CSKMT: variants seen among roughly 807,000 people sequenced by gnomAD.
The protein encoded by CSKMT is citrate synthase-lysine N-methyltransferase CSKMT, mitochondrial.
CSKMT carries 6 observed loss-of-function variants against 4.6 expected under a neutral mutation model. The observed-to-expected ratio is 1.31, with a 90% CI of 0.72 to 2.59. CSKMT has a LOEUF of 2.59. Among genes scored for constraint, CSKMT ranks in the 30% most tolerant of loss-of-function variants. CSKMT has a pLI of 0.00. For synonymous variants in CSKMT, 142 were observed against 128.9 expected (o/e 1.10, Z -0.69); for missense variants, 328 against 298.0 (o/e 1.10, Z -0.74).
intron 1 of CSKMT, 82 bp downstream of exon 1, chr11:62,665,414 C>A: frequency 1.4e-6 from 2 of 1,475,272 alleles, no homozygotes; most frequent in Non-Finnish European, 9.2e-7. Context: ...TGGGCGGGGT[C>A]TCAGGACCCT....
chr11:62,666,805 A>C lies in CSKMT; in HGVS notation c.477A>C (p.Leu159=). The change falls in exon 3 of 3, where the codon CTA becomes CTC. Residue 159 remains leucine (L), a synonymous_variant. Transcript: ENST00000532971. ...TGGCTTCTTCAGGCTCTTTCCAACT[A>C]CTGCTGGACAAAGGCACATGGGATG... ...GAVASSGSFQ[L]LLDKGTWDAV... The C allele has an allele frequency of 6.2e-7, 1 of 1,614,136 alleles. No individual in the cohort carries two copies. Among genetic ancestry groups the C allele is most frequent in the African/African-American group, 1.3e-5 (1 of 75,028 alleles).
At position 62,667,608 on chromosome 11, in the gene CSKMT, A is replaced by G; in HGVS notation, c.*557A>G. 6.2e-7 allele frequency: 1 copy of G among 1,614,142 alleles called. No homozygotes were observed. The highest frequency in any genetic ancestry group is 8.5e-7 in the Non-Finnish European group (1 of 1,180,030). On this transcript the variant is annotated 3_prime_UTR_variant, in exon 3 of 3. Coordinates refer to ENST00000532971, the MANE Select transcript of CSKMT (RefSeq NM_001043229.2). ...GGGAGCCTGTTGAGTCCCAGAAGGGACAGTGGTTGGTGGCTTCCAGACATG... is the reference window on the plus strand; with the variant it reads ...GGGAGCCTGTTGAGTCCCAGAAGGGGCAGTGGTTGGTGGCTTCCAGACATG...
In CSKMT at chr11:62,667,312, T is replaced by A. The variant is rs187110095; in HGVS notation, c.*261T>A. On this transcript the variant is annotated 3_prime_UTR_variant, in exon 3 of 3. Coordinates refer to ENST00000532971, the MANE Select transcript of CSKMT (RefSeq NM_001043229.2). ...GAATGCTGAAAAGAGAAGGTACAAT[T>A]GGGTCATTCCCCAGTTTCAACTAAC... The A allele has an allele frequency of 1.5e-6, 1 of 645,160 alleles. No individual in the cohort carries two copies. The highest frequency in any genetic ancestry group is 2.7e-6 in the Non-Finnish European group (1 of 371,294). 40.0% of individuals were successfully genotyped at this position (645,160 alleles called of 1,614,324 possible).
Position 62,667,007 on chromosome 11 carries a change from A to G in CSKMT, c.679A>G (p.Arg227Gly), listed in dbSNP as rs1157051916. Residue 227 changes from arginine (R) to glycine (G), a missense_variant, in exon 3 of 3, where the codon AGG becomes GGG. By Grantham distance (125) the Arg-to-Gly change is moderately radical. Coordinates refer to ENST00000532971, the MANE Select transcript of CSKMT (RefSeq NM_001043229.2). ...GACTGTGCAGGAGCTAGGCCCGTTC[A>G]GGGGCATCACCTACTTTGCTTACTT... ...TVTVQELGPF[R>G]GITYFAYLIQ... 3 of 1,612,410 alleles carry G rather than the reference A, an allele frequency of 1.9e-6. No individual in the cohort carries two copies. The highest frequency in any genetic ancestry group is 2.5e-6 in the Non-Finnish European group (3 of 1,179,256).
chr11:62,665,789 C>T lies in CSKMT; in HGVS notation c.-91C>T. The stretch of plus-strand genomic sequence containing the variant: ...GCCGCCTTTCGCTACGCGGAATTTG[C>T]AGATCTTCCCCTGGACCTCAGGCCT... On this transcript the variant is annotated 5_prime_UTR_variant, in exon 2 of 3. Coordinates refer to ENST00000532971, the MANE Select transcript of CSKMT (RefSeq NM_001043229.2). 1.3e-6 allele frequency: 2 copies of T among 1,551,154 alleles called. No homozygotes were observed. The highest frequency in any genetic ancestry group is 8.7e-7 in the Non-Finnish European group (1 of 1,145,876).
In CSKMT at chr11:62,667,244, C is replaced by T. The variant is rs1433202633; in HGVS notation, c.*193C>T. 5 of 654,180 alleles carry T rather than the reference C, an allele frequency of 7.6e-6. No individual in the cohort carries two copies. The highest frequency in any genetic ancestry group is 2.0e-5 in the South Asian group (1 of 50,422). The allele number at this position is 654,180 out of a possible 1,614,324, so 40.5% of individuals were successfully genotyped here. A position where few individuals can be genotyped will look rare whatever the true frequency, so the allele number is the denominator to read the frequency against. On this transcript the variant is annotated 3_prime_UTR_variant, in exon 3 of 3. Coordinates refer to ENST00000532971, the MANE Select transcript of CSKMT (RefSeq NM_001043229.2). ...GCAGAGTGAGAATAACTTGGAGTTA[C>T]GGAGATTACATACAATGATGTGCGC...
rs1944856252 is a variant in CSKMT at position 62,667,668 on chromosome 11, A to T, written c.*617A>T. 6.2e-7 allele frequency: 1 copy of T among 1,614,042 alleles called. No individual in the cohort carries two copies. The highest frequency in any genetic ancestry group is 1.1e-5 in the South Asian group (1 of 91,092). ...CAAGAATCCAACAAGCATCTTCTTC[A>T]TCCTGGTCCTGCCCCCAGCTGAGTC... On this transcript the variant is annotated 3_prime_UTR_variant, in exon 3 of 3. Coordinates refer to ENST00000532971, the MANE Select transcript of CSKMT (RefSeq NM_001043229.2).
intron 1 of CSKMT, 114 bp from the exon 2 acceptor site, chr11:62,665,533 C>T (rs1944781805): frequency 1.3e-6 from 2 of 1,569,850 alleles, no homozygotes; most frequent in Non-Finnish European, 1.7e-6. Context: ...CTGGCGGCTT[C>T]CCATCCGCTG....
Position 62,667,071 on chromosome 11 carries a change from A to G in CSKMT, c.*20A>G. ...CATTAAAGACATTTTAGTAGTCCTG[A>G]CCCTAGTATTTCTGTGGGCAAGGAG... On this transcript the variant is annotated 3_prime_UTR_variant, in exon 3 of 3. Transcript: ENST00000532971. 1 of 1,547,848 alleles carries G rather than the reference A, an allele frequency of 6.5e-7. No homozygotes were observed. Among genetic ancestry groups the G allele is most frequent in the Admixed American group, 2.0e-5 (1 of 49,100 alleles).
chr11:62,666,487 G>A lies in CSKMT; in HGVS notation c.159G>A (p.Trp53Ter). 2.5e-6 allele frequency: 4 copies of A among 1,614,064 alleles called. No individual in the cohort carries two copies. The South Asian group carries it at 4.4e-5, about 18-fold the overall frequency. The part of the protein sequence containing the change: ...PRLGTVPTFD[W>*]FFGYDEVQGL... ...TGGGCACTGTCCCCACCTTCGACTG[G>A]TTCTTTGGATACGACGAAGTCCAGG... is the stretch of plus-strand genomic sequence containing the variant. The change falls in exon 3 of 3, where the codon TGG (tryptophan) becomes TGA (stop). Residue 53 changes from tryptophan (W) to a stop codon, truncating the protein, a stop_gained. Coordinates refer to ENST00000532971, the MANE Select transcript of CSKMT (RefSeq NM_001043229.2). LOFTEE classifies it low-confidence loss of function (END_TRUNC).
Position 62,666,748 on chromosome 11 carries a change from C to A in CSKMT, c.420C>A (p.Phe140Leu). 1 of 1,614,188 alleles carries A rather than the reference C, an allele frequency of 6.2e-7. No individual in the cohort carries two copies. The highest frequency in any genetic ancestry group is 2.2e-5 in the East Asian group (1 of 44,894). ...CPGHPASSLH[F>L]MHADAQNLGA... ...GACACCCTGCCTCAAGCCTCCACTTCATGCACGCCGATGCTCAGAACCTGG... is the reference window on the plus strand; with the variant it reads ...GACACCCTGCCTCAAGCCTCCACTTAATGCACGCCGATGCTCAGAACCTGG... The change falls in exon 3 of 3, where the codon TTC becomes TTA. Residue 140 changes from phenylalanine (F) to leucine (L), a missense_variant. Transcript: ENST00000532971.
rs201738445 is a variant in CSKMT at position 62,666,842 on chromosome 11, G to T, written c.514G>T (p.Gly172Ter). ...DKGTWDAVAR[G>*]GLPRAYQLLS... ...AGGCACATGGGATGCTGTTGCCCGG[G>T]GAGGTCTGCCTAGGGCTTACCAGCT... The change falls in exon 3 of 3, where the codon GGA becomes TGA. Residue 172 changes from glycine to a stop codon, truncating the protein, a stop_gained. Transcript: ENST00000532971. LOFTEE classifies it high-confidence loss of function. The T allele has an allele frequency of 8.5e-5, 137 of 1,614,056 alleles. No homozygotes were observed. Among genetic ancestry groups the T allele is most frequent in the Non-Finnish European group, 1.1e-4 (133 of 1,180,042 alleles).
chr11:62,665,796 TC>T lies in CSKMT; in HGVS notation c.-80del. On this transcript the variant is annotated 5_prime_UTR_variant, in exon 2 of 3. Coordinates refer to ENST00000532971, the MANE Select transcript of CSKMT (RefSeq NM_001043229.2). ...TTCGCTACGCGGAATTTGCAGATCT[TC>T]CCCTGGACCTCAGGCCTCTCCGGCT... The T allele has an allele frequency of 1.9e-6, 3 of 1,561,436 alleles. No individual in the cohort carries two copies. Among genetic ancestry groups the T allele is most frequent in the South Asian group, 1.2e-5 (1 of 86,542 alleles).
chr11:62,666,058 C>T, intron 2 of CSKMT, 112 bp downstream of exon 2: 1 of 1,238,856 alleles, frequency 8.1e-7, no homozygotes, highest in South Asian at 1.4e-5. Context: ...TTCTCAAACC[C>T]TACGGTGGGC....
chr11:62,665,501 C>T lies in CSKMT; in HGVS notation c.-233-146C>T, dbSNP rs551831869. 9.5e-6 allele frequency: 15 copies of T among 1,573,808 alleles called. 1 individual carries two copies. Among genetic ancestry groups the T allele is most frequent in the South Asian group, 3.4e-5 (3 of 88,992 alleles). On this transcript the variant is annotated intron_variant, in intron 1 of 2. Coordinates refer to ENST00000532971, the MANE Select transcript of CSKMT (RefSeq NM_001043229.2). ...AGGAAGAGGGAAAGGGCTCTGGCCC[C>T]CTCGGCGTCATGTCTTCGGTGCTGG...
At chr11:62,666,321 A>T in intron 2 of CSKMT, 75 bp from the exon 3 acceptor site, 2 of 1,453,870 alleles carry the variant, frequency 1.4e-6, no homozygotes, top group Non-Finnish European at 1.9e-6. Context: ...AAAAAAAAAA[A>T]GACGCCAGTG....
In CSKMT at chr11:62,667,453, G is replaced by C. The variant is rs556083342; in HGVS notation, c.*402G>C. ...TTTTTGTCACCTGTAAAAGGAGATT[G>C]TAAGAGGATGGGTATAAGGAGCTTC... On this transcript the variant is annotated 3_prime_UTR_variant, in exon 3 of 3. Transcript: ENST00000532971. 9 of 1,495,608 alleles carry C rather than the reference G, an allele frequency of 6.0e-6. No homozygotes were observed. The highest frequency in any genetic ancestry group is 1.7e-4 in the Middle Eastern group (1 of 5,826). 92.6% of individuals were successfully genotyped at this position (1,495,608 alleles called of 1,614,324 possible). A position where few individuals can be genotyped will look rare whatever the true frequency, so the allele number is the denominator to read the frequency against.
chr11:62,665,446 G>C (rs1262055986), intron 1 of CSKMT, 114 bp downstream of exon 1: 1 of 1,556,370 alleles, frequency 6.4e-7, no homozygotes, highest in Non-Finnish European at 8.7e-7. Context: ...CGGGGATCGG[G>C]CTTGTGGTGC....
rs749826228 is a variant in CSKMT at position 62,665,498 on chromosome 11, C to T, written c.-233-149C>T. 8 of 1,572,682 alleles carry T rather than the reference C, an allele frequency of 5.1e-6. No individual in the cohort carries two copies. In the South Asian group the frequency reaches 5.6e-5, roughly 11 times the overall value. ...CGGAGGAAGAGGGAAAGGGCTCTGG[C>T]CCCCTCGGCGTCATGTCTTCGGTGC... On this transcript the variant is annotated intron_variant, in intron 1 of 2. Coordinates refer to ENST00000532971, the MANE Select transcript of CSKMT (RefSeq NM_001043229.2).
Sources: allele counts gnomAD v4.1 joint callset, GRCh38; gene constraint gnomAD v4.1.1; transcripts MANE v1.5; gene names NCBI Gene and HGNC (gene_info 2026-07-23, HGNC 2026-07-21).